DLG2: variants seen among roughly 807,000 people sequenced by gnomAD.
DLG2 encodes disks large homolog 2.
A neutral mutation model predicts 132.5 loss-of-function variants in DLG2; 45 were observed. That is an observed-to-expected ratio of 0.34 (90% CI 0.27 to 0.44). The LOEUF is 0.44. Ranked by LOEUF, DLG2 falls within the 20% of genes least tolerant of loss-of-function variation. The pLI is 1.00. For missense variants in DLG2, 1,045 were observed against 1,196.9 expected (o/e 0.87, Z 1.87); for synonymous variants, 424 against 419.6 (o/e 1.01, Z -0.13).
At chr11:83,482,041 T>TG (rs1193151229) in intron 22 of DLG2, among the ~76,000 whole-genome samples, 1 of 152,126 alleles carries the variant, frequency 6.6e-6, no homozygotes, top group Non-Finnish European at 1.5e-5. Flanking sequence ...GTCCAGATAA[T>TG]GCTGAAATCA....
chr11:84,834,691 G>T (rs909804452), intron 6 of DLG2, among the ~76,000 whole-genome samples: 14 of 150,942 alleles, frequency 9.3e-5, no homozygotes, highest in Non-Finnish European at 1.8e-4. Flanking sequence ...CATTTTGGAG[G>T]AATAAGTCAT....
intron 3 of DLG2, among the ~76,000 whole-genome samples, chr11:85,372,950 A>G (rs2085106467): frequency 1.3e-5 from 2 of 151,946 alleles, no homozygotes; most frequent in South Asian, 2.1e-4. Context: ...TGCATCCTGA[A>G]CCCTTGGGAC....
intron 6 of DLG2, among the ~76,000 whole-genome samples, chr11:84,973,306 T>A (rs1377487021): frequency 6.6e-6 from 1 of 152,160 alleles, no homozygotes; most frequent in African/African-American, 2.4e-5. Flanking sequence ...AGAATATCTT[T>A]TTAATAATAT....
At chr11:83,854,720 G>A (rs2060253127) in intron 16 of DLG2, among the ~76,000 whole-genome samples, 2 of 152,120 alleles carry the variant, frequency 1.3e-5, no homozygotes, top group South Asian at 4.2e-4. Context: ...CCAAAGGCAT[G>A]ATTCATGAAA....
At chr11:84,757,490 G>A (rs886096065) in intron 6 of DLG2, among the ~76,000 whole-genome samples, 4 of 152,040 alleles carry the variant, frequency 2.6e-5, no homozygotes, top group African/African-American at 9.6e-5. Flanking sequence ...CTTAAGCCCT[G>A]GTATTCTACA....
chr11:84,619,236 T>A (rs573317668), intron 6 of DLG2, among the ~76,000 whole-genome samples: 56 of 151,896 alleles, frequency 3.7e-4, no homozygotes, highest in Non-Finnish European at 5.6e-4. Context: ...TAGGGAAATT[T>A]AAAAAAATTT....
chr11:85,366,546 C>A (rs911881290), intron 3 of DLG2, among the ~76,000 whole-genome samples: 1 of 152,138 alleles, frequency 6.6e-6, no homozygotes, highest in Non-Finnish European at 1.5e-5. Context: ...ATGGACATTG[C>A]ATATTTAAAA....
intron 6 of DLG2, among the ~76,000 whole-genome samples, chr11:85,049,758 C>G (rs1307542540): frequency 6.6e-6 from 1 of 151,798 alleles, no homozygotes; most frequent in Non-Finnish European, 1.5e-5. Flanking sequence ...TACCAAACAC[C>G]CAGAGTTTAA....
At chr11:84,332,422 G>A (rs540054771) in intron 7 of DLG2, among the ~76,000 whole-genome samples, 30 of 151,600 alleles carry the variant, frequency 2.0e-4, no homozygotes, top group Middle Eastern at 3.4e-3. Context: ...GTGTTAGCCA[G>A]GATGGTCTCC....
At chr11:85,428,091 C>T (rs1399274023) in intron 3 of DLG2, among the ~76,000 whole-genome samples, 6 of 152,240 alleles carry the variant, frequency 3.9e-5, no homozygotes, top group African/African-American at 9.6e-5. Context: ...CCTAAATATG[C>T]ATGCACCCAA....
chr11:85,086,341 C>G (rs349067), intron 6 of DLG2, among the ~76,000 whole-genome samples: 22,027 of 152,064 alleles, frequency 0.14, 1,797 homozygotes, highest in South Asian at 0.3. Context: ...ATAAACTCTT[C>G]TGAAGAATCC....
chr11:84,218,220 AAAGGAAGGAAGGAAGGAAAGG>A (rs994208683), intron 8 of DLG2, among the ~76,000 whole-genome samples: 2 of 149,430 alleles, frequency 1.3e-5, no homozygotes, highest in African/African-American at 2.5e-5. Flanking sequence ...GGAAGGAAAG[AAAGGAAGGAAGGAAGGAAAGG>A]AAGGAAGGAA....
chr11:84,215,868 T>C (rs151249259), intron 8 of DLG2, among the ~76,000 whole-genome samples: 45 of 152,316 alleles, frequency 3.0e-4, no homozygotes, highest in African/African-American at 7.5e-4. Flanking sequence ...AGCTTATAAA[T>C]TGAATGCATT....
intron 6 of DLG2, among the ~76,000 whole-genome samples, chr11:84,538,783 C>T (rs933493177): frequency 3.3e-5 from 5 of 152,014 alleles, no homozygotes; most frequent in East Asian, 1.9e-4. Context: ...TCCAAGAGAC[C>T]GTGGACCTAA....
chr11:84,111,644 A>T (rs2093354659), intron 9 of DLG2, among the ~76,000 whole-genome samples: 1 of 152,198 alleles, frequency 6.6e-6, no homozygotes, highest in African/African-American at 2.4e-5. Flanking sequence ...ACTTTGAATC[A>T]CCTAATTAAT....
At chr11:84,924,640 G>C (rs1444269363) in intron 6 of DLG2, among the ~76,000 whole-genome samples, 1 of 152,200 alleles carries the variant, frequency 6.6e-6, no homozygotes, top group Non-Finnish European at 1.5e-5. Flanking sequence ...CATTCAGAAA[G>C]TGTCGTCAGT....
At chr11:85,384,521 T>C (rs2086162820) in intron 3 of DLG2, among the ~76,000 whole-genome samples, 1 of 152,208 alleles carries the variant, frequency 6.6e-6, no homozygotes, top group African/African-American at 2.4e-5. Context: ...TTATCTTCCC[T>C]ATTTATAAAC....
intron 11 of DLG2, among the ~76,000 whole-genome samples, chr11:84,049,181 G>A (rs972471352): frequency 2.2e-4 from 34 of 151,706 alleles, no homozygotes; most frequent in Non-Finnish European, 4.1e-4. Context: ...AAATAGAAAA[G>A]CTGGTAAAAT....
chr11:84,426,037 C>A (rs2098965399), intron 7 of DLG2, among the ~76,000 whole-genome samples: 1 of 152,054 alleles, frequency 6.6e-6, no homozygotes, highest in Non-Finnish European at 1.5e-5. Flanking sequence ...CTGAAAATTT[C>A]ATGAAAGATT....
Sources: gnomAD v4.1 joint callset for allele counts (sites outside exome capture counted in the v4.1 genomes callset) on GRCh38, gnomAD v4.1.1 for gene constraint, MANE v1.5 for transcripts, NCBI Gene and HGNC (gene_info 2026-07-23, HGNC 2026-07-21) for gene names.